The following MYT1L variants were observed in gnomAD, a reference collection of about 807,000 sequenced individuals.
The protein encoded by MYT1L is myelin transcription factor 1-like protein.
A neutral mutation model predicts 126.7 loss-of-function variants in MYT1L; 12 were observed. The observed-to-expected ratio is 0.09, with a 90% CI of 0.06 to 0.15. The LOEUF (loss-of-function observed/expected upper bound fraction) is 0.15. MYT1L is among the 10% of genes least tolerant of loss of function. The probability of loss-of-function intolerance (pLI) is 1.00; values close to 1 mark genes in which losing one functional copy is unlikely to be tolerated. For missense variants in MYT1L, 979 were observed against 1,585.2 expected, an observed-to-expected ratio of 0.62 and a Z score of 6.49; for synonymous variants, 541 against 604.2, an observed-to-expected ratio of 0.90 and a Z score of 1.53.
intron 4 of MYT1L, among the ~76,000 whole-genome samples, chr2:2,008,494 T>C (rs1558722648): frequency 6.6e-6 from 1 of 152,234 alleles, no homozygotes; most frequent in Non-Finnish European, 1.5e-5. Flanking sequence ...TTTTGAAAAA[T>C]GTCTGTTTAC....
At position 1,889,146 on chromosome 2, in the gene MYT1L, A is replaced by G. The variant is rs2048511337; in HGVS notation, c.2520+95T>C. The G allele has an allele frequency of 2.2e-6, 2 of 912,260 alleles. No individual in the cohort carries two copies. The highest frequency in any genetic ancestry group is 2.5e-5 in the East Asian group (1 of 39,660). The allele number at this position is 912,260 out of a possible 1,614,324, so 56.5% of individuals were successfully genotyped here. A position where few individuals can be genotyped will look rare whatever the true frequency, so the allele number is the denominator to read the frequency against. ...AAGGTCATATTTAAAGAGAAAATATATTTTCTCATAACGTATGTGCAAATG... is the reference window on the plus strand; with the variant it reads ...AAGGTCATATTTAAAGAGAAAATATGTTTTCTCATAACGTATGTGCAAATG... On this transcript the variant is annotated intron_variant, in intron 16 of 24. Transcript: ENST00000647738. The surrounding 1 kb of genome is among the most constrained non-coding windows in gnomAD (Gnocchi z 4.1).
At chr2:1,978,052 C>T (rs940416224) in intron 8 of MYT1L, among the ~76,000 whole-genome samples, 6 of 152,156 alleles carry the variant, frequency 3.9e-5, no homozygotes, top group Admixed American at 2.0e-4. Context: ...ACAATTGTTT[C>T]GTGGGGTCTC....
chr2:2,085,460 T>C (rs530001035), intron 3 of MYT1L, among the ~76,000 whole-genome samples: 9 of 152,272 alleles, frequency 5.9e-5, no homozygotes, highest in South Asian at 2.1e-4. Flanking sequence ...CCCTTCTACA[T>C]TAAGTCTATG....
intron 2 of MYT1L, among the ~76,000 whole-genome samples, chr2:2,230,628 C>T (rs1234668954): frequency 2.8e-4 from 42 of 152,188 alleles, no homozygotes; most frequent in Admixed American, 2.5e-3. Flanking sequence ...CCAGACGCCA[C>T]GCTGTGGAAA....
intron 9 of MYT1L, among the ~76,000 whole-genome samples, chr2:1,924,856 A>C (rs1295088916): frequency 1.3e-5 from 2 of 152,350 alleles, no homozygotes; most frequent in Non-Finnish European, 2.9e-5. Flanking sequence ...TGGAAGTATT[A>C]ATCTCCAACA....
intron 2 of MYT1L, among the ~76,000 whole-genome samples, chr2:2,216,472 G>A (rs2093679847): frequency 6.6e-6 from 1 of 152,142 alleles, no homozygotes; most frequent in Middle Eastern, 3.2e-3. Context: ...GGATGAAAAT[G>A]AAAAAGAAGT....
intron 8 of MYT1L, among the ~76,000 whole-genome samples, chr2:1,959,349 C>T (rs756138315): frequency 1.3e-5 from 2 of 152,016 alleles, no homozygotes; most frequent in Admixed American, 6.6e-5. Flanking sequence ...TCCTGGAGAG[C>T]GGAGACAGGC....
intron 8 of MYT1L, among the ~76,000 whole-genome samples, chr2:1,947,930 A>T (rs2057385198): frequency 6.6e-6 from 1 of 151,232 alleles, no homozygotes; most frequent in South Asian, 2.1e-4. Flanking sequence ...TGTGTAGAGC[A>T]CACCACACGA....
Position 2,083,979 on chromosome 2 carries a change from C to A in MYT1L, c.-303-29856G>T, listed in dbSNP as rs138740808. ...AGTTCTTAGAGGGAGGGAGACCACT[C>A]CATCAGTAAGCCCATGTGCTGATGC... On this transcript the variant is annotated intron_variant, in intron 3 of 24. Transcript: ENST00000647738. Among the ~76,000 whole-genome samples, 1,231 of 151,068 alleles carry A rather than the reference C, an allele frequency of 8.1e-3. 9 individuals are homozygous for A. Among genetic ancestry groups the A allele is most frequent in the Middle Eastern group, 0.017 (5 of 290 alleles).
intron 20 of MYT1L, among the ~76,000 whole-genome samples, chr2:1,839,749 A>T (rs571147940): frequency 6.6e-6 from 1 of 152,336 alleles, no homozygotes; most frequent in South Asian, 2.1e-4. Context: ...AAAAAATGCA[A>T]CGTCAATAAG....
chr2:1,891,560 T>A (rs1275642151), intron 15 of MYT1L, among the ~76,000 whole-genome samples: 2 of 152,186 alleles, frequency 1.3e-5, no homozygotes, highest in Non-Finnish European at 2.9e-5. Flanking sequence ...ACACGGCTGA[T>A]CCCTTGGTGT....
intron 1 of MYT1L, among the ~76,000 whole-genome samples, chr2:2,313,684 G>A (rs1050143724): frequency 6.6e-6 from 1 of 151,998 alleles, no homozygotes; most frequent in Non-Finnish European, 1.5e-5. Flanking sequence ...ATATAATACT[G>A]TCTTGGTCTT....
chr2:2,217,688 C>CAAAAAAAAAAA (rs1192733884), intron 2 of MYT1L, among the ~76,000 whole-genome samples: 4 of 70,872 alleles, frequency 5.6e-5, no homozygotes, highest in Admixed American at 2.5e-4. Context: ...ACAACAACAA[C>CAAAAAAAAAAA]AACAACAACA....
intron 5 of MYT1L, among the ~76,000 whole-genome samples, chr2:1,986,783 G>A (rs2061060735): frequency 6.6e-6 from 1 of 152,172 alleles, no homozygotes; most frequent in Non-Finnish European, 1.5e-5. Flanking sequence ...GGGGTCGTCA[G>A]ATGCTGTGCA....
At chr2:2,289,547 AC>A (rs1331503594) in intron 1 of MYT1L, among the ~76,000 whole-genome samples, 1 of 152,248 alleles carries the variant, frequency 6.6e-6, no homozygotes, top group Admixed American at 6.5e-5. Context: ...TAATGAAAAA[AC>A]ATAACAACCT....
intron 20 of MYT1L, 49 bp downstream of exon 20, chr2:1,840,711 C>T (rs368521556): frequency 4.5e-6 from 6 of 1,344,196 alleles, no homozygotes; most frequent in South Asian, 2.6e-5. Flanking sequence ...AATGCCTCGT[C>T]CCCACATGGC....
At chr2:2,321,894 A>C (rs2096173757) in intron 1 of MYT1L, among the ~76,000 whole-genome samples, 1 of 152,194 alleles carries the variant, frequency 6.6e-6, no homozygotes, top group African/African-American at 2.4e-5. Context: ...TGTAATATTG[A>C]GTCCTAAAGT....
chr2:1,879,383 A>G (rs2047282244), intron 18 of MYT1L, among the ~76,000 whole-genome samples: 1 of 152,218 alleles, frequency 6.6e-6, no homozygotes, highest in African/African-American at 2.4e-5. Flanking sequence ...CTCCCATCAC[A>G]GAGTGCTGGC....
At chr2:2,033,773 G>A (rs1474665822) in intron 4 of MYT1L, among the ~76,000 whole-genome samples, 4 of 152,312 alleles carry the variant, frequency 2.6e-5, no homozygotes, top group South Asian at 2.1e-4. Flanking sequence ...CATGTTTGAA[G>A]GACATGGTGC....
Sources: gnomAD v4.1 joint callset for allele counts (sites outside exome capture counted in the v4.1 genomes callset) on GRCh38, gnomAD v4.1.1 for gene constraint, Gnocchi (gnomAD v3.1) non-coding constraint, MANE v1.5 for transcripts, NCBI Gene and HGNC (gene_info 2026-07-23, HGNC 2026-07-21) for gene names.